YEATS2: variants seen among roughly 807,000 people sequenced by gnomAD.
YEATS2 encodes YEATS domain-containing protein 2.
YEATS2 carries 77 observed loss-of-function variants against 163.2 expected under a neutral mutation model. That is an observed-to-expected ratio of 0.47 (90% CI 0.39 to 0.57). The LOEUF (loss-of-function observed/expected upper bound fraction) is 0.57, where lower values mean the gene tolerates loss of function less well. YEATS2 is among the 20% of genes least tolerant of loss of function. The pLI, the probability that YEATS2 is intolerant of heterozygous loss-of-function variation, is 0.00. For missense variants in YEATS2, 1,549 were observed against 1,729.8 expected (o/e 0.90, Z 1.85); for synonymous variants, 631 against 645.1 (o/e 0.98, Z 0.33).
chr3:183,738,391 CTTTTTTTTTTT>C (rs1173865612), intron 8 of YEATS2, among the ~76,000 whole-genome samples: 41 of 74,044 alleles, frequency 5.5e-4, no homozygotes, highest in South Asian at 2.0e-3. Flanking sequence ...AGGAAAAGTT[CTTTTTTTTTTT>C]TTTTTTTTTT....
chr3:183,707,416 C>T (rs1714722879), intron 1 of YEATS2, among the ~76,000 whole-genome samples: 1 of 152,118 alleles, frequency 6.6e-6, no homozygotes, highest in Admixed American at 6.6e-5. Flanking sequence ...GAGTATACCA[C>T]GATTTGTTCG....
intron 27 of YEATS2, chr3:183,806,272 C>G (rs1410971537): frequency 4.4e-6 from 2 of 455,836 alleles, no homozygotes; most frequent in African/African-American, 2.0e-5. Flanking sequence ...AGAGCCCAGT[C>G]AGTAAAACAA....
rs556436742 is a variant in YEATS2, at chr3:183,759,824, C to T, written c.1656+859C>T. 2.6e-5 allele frequency among the ~76,000 whole-genome samples: 4 copies of T among 152,346 alleles called. 1 individual carries two copies. The South Asian group carries it at 8.3e-4, about 32-fold the overall frequency. Reference sequence around the variant, plus strand: ...ATGCACTTTTGGCCTATGATGTTTTCCCCTTATGATGGGTTTATCCAGACG... The same window carrying T: ...ATGCACTTTTGGCCTATGATGTTTTTCCCTTATGATGGGTTTATCCAGACG... On this transcript the variant is annotated intron_variant, in intron 13 of 30. Transcript: ENST00000305135.
chr3:183,716,674 G>A (rs1225334966), intron 2 of YEATS2, among the ~76,000 whole-genome samples: 1 of 151,978 alleles, frequency 6.6e-6, no homozygotes, highest in Admixed American at 6.6e-5. Context: ...ACAAGAACAG[G>A]GAAAAGTGAT....
chr3:183,801,420 A>T, intron 24 of YEATS2, 35 bp from the exon 25 acceptor site: 1 of 1,519,896 alleles, frequency 6.6e-7, no homozygotes, highest in Non-Finnish European at 9.0e-7. Context: ...ACATGTATTT[A>T]ATTTATTGCC....
intron 15 of YEATS2, among the ~76,000 whole-genome samples, chr3:183,769,794 G>A (rs1032505725): frequency 1.3e-5 from 2 of 152,058 alleles, no homozygotes; most frequent in Non-Finnish European, 2.9e-5. Context: ...CCAGGTTCAA[G>A]CGATTCTGCT....
rs774770666 is a variant in YEATS2 at position 183,728,745 on chromosome 3, G to T, written c.706G>T (p.Val236Leu). Residue 236 changes from valine to leucine, a missense_variant, in exon 7 of 31, where the codon GTA (valine) becomes TTA (leucine). By Grantham distance (32) the Val-to-Leu change is conservative (BLOSUM62 1). Transcript: ENST00000305135. Reference sequence around the variant, plus strand: ...TGACCAGTCAACTCATAAGTGGATGGTATATGTCCGAGGGTCCCGTAGAGA... The same window carrying T: ...TGACCAGTCAACTCATAAGTGGATGTTATATGTCCGAGGGTCCCGTAGAGA... The part of the protein sequence containing the change: ...ENDQSTHKWM[V>L]YVRGSRREPS... The T allele has an allele frequency of 6.2e-7, 1 of 1,614,062 alleles. No homozygotes were observed. The highest frequency in any genetic ancestry group is 1.7e-4 in the Middle Eastern group (1 of 6,060).
chr3:183,717,478 C>T (rs1716020247), intron 2 of YEATS2, among the ~76,000 whole-genome samples, 173 bp from the exon 3 acceptor site: 1 of 152,190 alleles, frequency 6.6e-6, no homozygotes, highest in Admixed American at 6.6e-5. Context: ...CACGAGATCA[C>T]TTTACACCAA....
In YEATS2 at chr3:183,705,504, A is replaced by G. The variant is rs542282462; in HGVS notation, c.-20+7511A>G. Among the ~76,000 whole-genome samples the G allele has an allele frequency of 7.2e-5, 11 of 152,218 alleles. No homozygotes were observed. In the East Asian group the frequency reaches 2.1e-3, roughly 29 times the overall value. On this transcript the variant is annotated intron_variant, in intron 1 of 30. Transcript: ENST00000305135. Reference sequence around the variant, plus strand: ...ATGTATTTTTGTGATTGTGCCTTTAATAACATCATCTTTATCATGTTATTT... The same window carrying G: ...ATGTATTTTTGTGATTGTGCCTTTAGTAACATCATCTTTATCATGTTATTT...
chr3:183,796,360 C>T (rs960075231), intron 21 of YEATS2, among the ~76,000 whole-genome samples: 3 of 151,654 alleles, frequency 2.0e-5, no homozygotes, highest in Non-Finnish European at 4.4e-5. Context: ...CTCCTTCACA[C>T]TAAAGGCCCT....
At chr3:183,738,398 T>C (rs921745057) in intron 8 of YEATS2, among the ~76,000 whole-genome samples, 10 of 148,914 alleles carry the variant, frequency 6.7e-5, no homozygotes, top group African/African-American at 2.2e-4. Context: ...GTTCTTTTTT[T>C]TTTTTTTTTT....
At chr3:183,760,313 A>ATTTTTT (rs11417378) in intron 13 of YEATS2, among the ~76,000 whole-genome samples, 3 of 110,310 alleles carry the variant, frequency 2.7e-5, no homozygotes, top group African/African-American at 7.3e-5. Context: ...AAACTACAGA[A>ATTTTTT]TTTTTTTTTT....
intron 8 of YEATS2, 142 bp downstream of exon 8, chr3:183,736,971 T>TA: frequency 1.6e-6 from 1 of 613,846 alleles, no homozygotes; most frequent in East Asian, 2.9e-5. Context: ...ACTTAACTAT[T>TA]AATAGCCTAC....
At chr3:183,771,947 G>C (rs1380759813) in intron 15 of YEATS2, among the ~76,000 whole-genome samples, 2 of 151,838 alleles carry the variant, frequency 1.3e-5, no homozygotes, top group African/African-American at 4.8e-5. Flanking sequence ...GGCTGGTCTC[G>C]AACTCCTGAC....
intron 23 of YEATS2, 41 bp from the exon 24 acceptor site, chr3:183,800,425 T>G (rs1469958489): frequency 1.3e-6 from 2 of 1,489,802 alleles, no homozygotes; most frequent in East Asian, 2.3e-5. Flanking sequence ...CTTCCACCAC[T>G]GACCCCTAAC....
chr3:183,728,559 T>G, intron 6 of YEATS2, 131 bp from the exon 7 acceptor site: 1 of 777,360 alleles, frequency 1.3e-6, no homozygotes, highest in Non-Finnish European at 1.9e-6. Context: ...TCATTTTGCT[T>G]GTTTAGGTGA....
chr3:183,745,637 C>CT (rs1290451120), intron 8 of YEATS2, among the ~76,000 whole-genome samples: 1 of 152,006 alleles, frequency 6.6e-6, no homozygotes, highest in African/African-American at 2.4e-5. Flanking sequence ...ATTAAATACT[C>CT]TAAATATTAG....
intron 4 of YEATS2, among the ~76,000 whole-genome samples, chr3:183,718,802 C>G (rs1243411545): frequency 6.6e-6 from 1 of 152,206 alleles, no homozygotes; most frequent in Non-Finnish European, 1.5e-5. Context: ...TCAGGCGATT[C>G]TCCTGCCTCA....
intron 4 of YEATS2, 45 bp from the exon 5 acceptor site, chr3:183,721,846 A>C (rs1403931632): frequency 6.2e-7 from 1 of 1,602,076 alleles, no homozygotes; most frequent in Non-Finnish European, 8.5e-7. Flanking sequence ...CCTGCTTTTG[A>C]TGGATTTGAT....
Sources: gnomAD v4.1 joint callset for allele counts (sites outside exome capture counted in the v4.1 genomes callset) on GRCh38, gnomAD v4.1.1 for gene constraint, MANE v1.5 for transcripts, NCBI Gene and HGNC (gene_info 2026-07-23, HGNC 2026-07-21) for gene names.